Variants in HS6ST2 observed in about 807,000 individuals in gnomAD.
HS6ST2 encodes the protein heparan-sulfate 6-O-sulfotransferase 2.
In HS6ST2, 17 loss-of-function variants were observed where a neutral mutation model predicts 33.0. That is an observed-to-expected ratio of 0.52 (90% CI 0.35 to 0.77). The LOEUF is 0.77. Ranked by LOEUF, HS6ST2 falls within the 30% of genes least tolerant of loss-of-function variation. The probability of loss-of-function intolerance (pLI) is 0.01; values close to 1 mark genes in which losing one functional copy is unlikely to be tolerated. For missense variants in HS6ST2, 519 were observed against 551.7 expected (o/e 0.94, Z 0.59); for synonymous variants, 248 against 237.1 (o/e 1.05, Z -0.42).
At chrX:132,866,238 T>C (rs1327508237) in intron 2 of HS6ST2, among the ~76,000 whole-genome samples, 1 of 111,837 alleles carries the variant, frequency 8.9e-6, no homozygotes, top group African/African-American at 3.3e-5. Context: ...AAATAGGGAA[T>C]CCTTTCCCCA....
At chrX:132,781,397 G>A (rs1390342758) in intron 2 of HS6ST2, among the ~76,000 whole-genome samples, 3 of 111,531 alleles carry the variant, frequency 2.7e-5, no homozygotes, top group Non-Finnish European at 3.8e-5. Context: ...TCAATGATGA[G>A]TTGAAGGCAG....
intron 2 of HS6ST2, among the ~76,000 whole-genome samples, chrX:132,902,016 T>C (rs1041096945): frequency 3.6e-5 from 4 of 111,237 alleles, no homozygotes; most frequent in Non-Finnish European, 7.5e-5. Context: ...GCCACTGGAA[T>C]TGGTTGAGGC....
intron 3 of HS6ST2, among the ~76,000 whole-genome samples, 174 bp from the exon 4 acceptor site, chrX:132,669,373 G>A (rs1411051530): frequency 1.1e-5 from 1 of 92,010 alleles, no homozygotes; most frequent in Non-Finnish European, 2.0e-5. Context: ...TTATCCAGTT[G>A]TGCCCTTTAA....
chrX:132,838,868 T>G (rs1358055546), intron 2 of HS6ST2, among the ~76,000 whole-genome samples: 1 of 106,385 alleles, frequency 9.4e-6, no homozygotes, highest in Non-Finnish European at 1.9e-5. Context: ...AAGCATATAA[T>G]AAAATGCTCA....
chrX:132,883,490 T>C (rs1219158259), intron 2 of HS6ST2, among the ~76,000 whole-genome samples: 1 of 111,415 alleles, frequency 9.0e-6, no homozygotes, highest in Non-Finnish European at 1.9e-5. Flanking sequence ...TTACCATTTT[T>C]TATTGCGTTA....
chrX:132,889,072 G>A lies in HS6ST2; in HGVS notation c.947+67736C>T, dbSNP rs778622358. Among the ~76,000 whole-genome samples, 12 of 110,635 alleles carry A rather than the reference G, an allele frequency of 1.1e-4. No homozygotes were observed. In the East Asian group the frequency reaches 1.2e-3, roughly 11 times the overall value. ...CAAGTAGCAGACCCAGGATTTCAGC[G>A]TCTAAGTCTCATCAGTTGCCTGTGC... On this transcript the variant is annotated intron_variant, in intron 2 of 4. Transcript: ENST00000370833.
intron 2 of HS6ST2, among the ~76,000 whole-genome samples, chrX:132,854,086 C>A (rs1006736797): frequency 7.2e-5 from 8 of 111,169 alleles, no homozygotes; most frequent in Non-Finnish European, 1.5e-4. Flanking sequence ...TCACCATATT[C>A]CCCATTTGGA....
At chrX:132,721,942 A>T in intron 2 of HS6ST2, among the ~76,000 whole-genome samples, 1 of 111,081 alleles carries the variant, frequency 9.0e-6, no homozygotes, top group Non-Finnish European at 1.9e-5. Context: ...TAATCCTAGC[A>T]CTTTGGGAGG....
chrX:132,942,141 C>T (rs747707265), intron 2 of HS6ST2, among the ~76,000 whole-genome samples: 6 of 111,419 alleles, frequency 5.4e-5, no homozygotes, highest in Non-Finnish European at 9.4e-5. Context: ...ACATACTGTG[C>T]CACTTTCAGA....
chrX:132,681,204 T>C lies in HS6ST2; in HGVS notation c.981-12005A>G, dbSNP rs906994200. Among the ~76,000 whole-genome samples, 5 of 111,710 alleles carry C rather than the reference T, an allele frequency of 4.5e-5. No homozygotes were observed. In the Admixed American group the frequency reaches 4.8e-4, roughly 11 times the overall value. ...GAAGTATGCTGAAGGAAGCAACATG[T>C]GCCAAACAAATATAGAATTATTGGC... On this transcript the variant is annotated intron_variant, in intron 3 of 4. Transcript: ENST00000370833.
At chrX:132,931,446 C>A (rs1393022611) in intron 2 of HS6ST2, among the ~76,000 whole-genome samples, 1 of 111,960 alleles carries the variant, frequency 8.9e-6, no homozygotes, top group Non-Finnish European at 1.9e-5. Context: ...CAACACTGGA[C>A]CCCCCAGTCA....
At chrX:132,911,971 C>T (rs1004374767) in intron 2 of HS6ST2, among the ~76,000 whole-genome samples, 1 of 111,529 alleles carries the variant, frequency 9.0e-6, no homozygotes, top group Non-Finnish European at 1.9e-5. Context: ...TTCTCTCCTC[C>T]TCCAACCACA....
At chrX:132,897,267 G>T (rs901007863) in intron 2 of HS6ST2, among the ~76,000 whole-genome samples, 1 of 109,718 alleles carries the variant, frequency 9.1e-6, no homozygotes, top group Non-Finnish European at 1.9e-5. Context: ...TGCTGGGGGC[G>T]GGGGGAGCGG....
chrX:132,935,107 G>A (rs1159734382), intron 2 of HS6ST2, among the ~76,000 whole-genome samples: 1 of 111,423 alleles, frequency 9.0e-6, no homozygotes, highest in Non-Finnish European at 1.9e-5. Context: ...TAAAACACAT[G>A]AAGTAAAAAC....
At chrX:132,876,755 T>G (rs1173398682) in intron 2 of HS6ST2, among the ~76,000 whole-genome samples, 1 of 111,363 alleles carries the variant, frequency 9.0e-6, no homozygotes. Context: ...CCAACACTCC[T>G]TGATGTTAAC....
chrX:132,796,336 C>T (rs1045317575), intron 2 of HS6ST2, among the ~76,000 whole-genome samples: 9 of 111,948 alleles, frequency 8.0e-5, no homozygotes, highest in Non-Finnish European at 1.5e-4. Context: ...CTACTGCCAC[C>T]TGGATACCAT....
At chrX:132,860,494 A>G (rs2065900399) in intron 2 of HS6ST2, among the ~76,000 whole-genome samples, 1 of 111,857 alleles carries the variant, frequency 8.9e-6, no homozygotes, top group Admixed American at 9.5e-5. Context: ...TCTTCTACAG[A>G]TTATGTTTGA....
At chrX:132,684,401 A>G in intron 3 of HS6ST2, among the ~76,000 whole-genome samples, 1 of 108,456 alleles carries the variant, frequency 9.2e-6, no homozygotes, top group East Asian at 2.9e-4. Context: ...AGTAAAATTT[A>G]CTCATGTCCA....
At chrX:132,677,298 A>G (rs1258210795) in intron 3 of HS6ST2, among the ~76,000 whole-genome samples, 2 of 112,225 alleles carry the variant, frequency 1.8e-5, no homozygotes, top group South Asian at 3.8e-4. Context: ...ACAGAATGAT[A>G]CGAACTAAGT....
Sources: allele counts gnomAD v4.1 joint callset (sites outside exome capture counted in the v4.1 genomes callset), GRCh38; gene constraint gnomAD v4.1.1; transcripts MANE v1.5; gene names NCBI Gene and HGNC (gene_info 2026-07-23, HGNC 2026-07-21).